Variants in ZNF385D observed in about 807,000 individuals in gnomAD.
ZNF385D encodes the protein zinc finger protein 659.
A neutral mutation model predicts 35.8 loss-of-function variants in ZNF385D; 15 were observed. That is an observed-to-expected ratio of 0.42 (90% CI 0.28 to 0.64). The LOEUF (loss-of-function observed/expected upper bound fraction) is 0.64, where lower values mean the gene tolerates loss of function less well. Ranked by LOEUF, ZNF385D falls within the 30% of genes least tolerant of loss-of-function variation. ZNF385D has a pLI of 0.23. For missense variants in ZNF385D, 474 were observed against 494.6 expected, an observed-to-expected ratio of 0.96 and a Z score of 0.39; for synonymous variants, 212 against 186.8, an observed-to-expected ratio of 1.13 and a Z score of -1.10.
At chr3:22,027,670 G>C (rs1697645086) in intron 3 of ZNF385D, among the ~76,000 whole-genome samples, 1 of 152,148 alleles carries the variant, frequency 6.6e-6, no homozygotes, top group South Asian at 2.1e-4. Context: ...GCCATAAAGT[G>C]GGTCACGCAC....
chr3:22,178,938 G>A (rs112204027), intron 2 of ZNF385D, among the ~76,000 whole-genome samples: 9 of 151,978 alleles, frequency 5.9e-5, no homozygotes, highest in East Asian at 5.8e-4. Context: ...TGTTCCATTG[G>A]TCTATATCTC....
chr3:21,681,828 A>G (rs1051823226), intron 1 of ZNF385D, among the ~76,000 whole-genome samples: 2 of 9,796 alleles, frequency 2.0e-4, no homozygotes, highest in Non-Finnish European at 2.5e-4. Context: ...AGGGAAAGAG[A>G]GGCAAAGATT....
intron 3 of ZNF385D, among the ~76,000 whole-genome samples, chr3:21,879,696 C>A (rs1323098987): frequency 1.3e-5 from 2 of 151,996 alleles, no homozygotes; most frequent in Non-Finnish European, 2.9e-5. Context: ...AAGCAGCTGT[C>A]TCTGAGCCGC....
intron 3 of ZNF385D, among the ~76,000 whole-genome samples, chr3:21,982,231 GTGTCT>G (rs1385500406): frequency 6.6e-6 from 1 of 151,860 alleles, no homozygotes; most frequent in Non-Finnish European, 1.5e-5. Flanking sequence ...CCATTTGTTT[GTGTCT>G]TGTCTTATTT....
chr3:21,916,296 T>A (rs1190979464), intron 3 of ZNF385D, among the ~76,000 whole-genome samples: 9 of 152,178 alleles, frequency 5.9e-5, no homozygotes, highest in Non-Finnish European at 4.4e-5. Context: ...TCATGTATAC[T>A]TTTTTCTGGT....
At chr3:21,764,690 G>A (rs1485876297) in intron 3 of ZNF385D, among the ~76,000 whole-genome samples, 5 of 152,124 alleles carry the variant, frequency 3.3e-5, no homozygotes, top group African/African-American at 7.2e-5. Flanking sequence ...CTAAACAGTT[G>A]AGTGTTTGAC....
chr3:22,151,739 A>T (rs536574280), intron 3 of ZNF385D, among the ~76,000 whole-genome samples: 1 of 152,306 alleles, frequency 6.6e-6, no homozygotes, highest in African/African-American at 2.4e-5. Flanking sequence ...ACCTTTACAG[A>T]AACATCCAGA....
At chr3:22,015,705 T>C (rs1187768803) in intron 3 of ZNF385D, among the ~76,000 whole-genome samples, 1 of 152,130 alleles carries the variant, frequency 6.6e-6, no homozygotes, top group East Asian at 1.9e-4. Flanking sequence ...GTCTTTGGTT[T>C]TTCTCTTGTT....
chr3:22,277,227 G>A (rs908718947), intron 2 of ZNF385D, among the ~76,000 whole-genome samples: 41 of 152,110 alleles, frequency 2.7e-4, no homozygotes, highest in Admixed American at 2.4e-3. Flanking sequence ...GAGAAGCAGA[G>A]CTGTGGGTTC....
chr3:22,000,323 T>C (rs989474268), intron 3 of ZNF385D, among the ~76,000 whole-genome samples: 2 of 151,548 alleles, frequency 1.3e-5, no homozygotes, highest in Non-Finnish European at 2.9e-5. Flanking sequence ...AAAGGCCTTA[T>C]CTGAGGCACA....
intron 3 of ZNF385D, among the ~76,000 whole-genome samples, chr3:22,045,319 A>AGGG (rs1559329823): frequency 1.3e-5 from 2 of 152,122 alleles, no homozygotes; most frequent in Non-Finnish European, 2.9e-5. Context: ...GTGATCATAT[A>AGGG]ATAAATATAA....
chr3:22,081,956 A>G (rs545541745), intron 3 of ZNF385D, among the ~76,000 whole-genome samples: 18 of 150,938 alleles, frequency 1.2e-4, no homozygotes, highest in African/African-American at 3.6e-4. Context: ...TAGTAGTTCT[A>G]AAGGCAGTTA....
At chr3:21,589,534 A>G (rs2063909026) in intron 2 of ZNF385D, among the ~76,000 whole-genome samples, 1 of 152,202 alleles carries the variant, frequency 6.6e-6, no homozygotes, top group Non-Finnish European at 1.5e-5. Context: ...TTTACATAAG[A>G]CAAAAAAAGC....
At chr3:22,234,437 C>T (rs1191981550) in intron 2 of ZNF385D, among the ~76,000 whole-genome samples, 1 of 152,038 alleles carries the variant, frequency 6.6e-6, no homozygotes, top group African/African-American at 2.4e-5. Flanking sequence ...CTAAATCATT[C>T]ATTTCATCCA....
At chr3:21,744,349 A>G (rs2069662059) in intron 1 of ZNF385D, among the ~76,000 whole-genome samples, 2 of 152,232 alleles carry the variant, frequency 1.3e-5, no homozygotes, top group South Asian at 2.1e-4. Context: ...GCAATCTGCT[A>G]CAACCACTTT....
chr3:22,119,738 T>C lies in ZNF385D; in HGVS notation c.325+49079A>G, dbSNP rs369898355. On this transcript the variant is annotated intron_variant, in intron 3 of 5. Coordinates refer to the ZNF385D transcript ENST00000494108. ...TACTATCTCTCCAGTAGATTTTGTGTCACAGGATTCCCTGGGATTTCTCTG... is the reference window on the plus strand; with the variant it reads ...TACTATCTCTCCAGTAGATTTTGTGCCACAGGATTCCCTGGGATTTCTCTG... 7.9e-5 allele frequency among the ~76,000 whole-genome samples: 12 copies of C among 152,292 alleles called. No homozygotes were observed. In the South Asian group the frequency reaches 1.7e-3, roughly 21 times the overall value.
At chr3:21,821,957 C>T (rs1214360085) in intron 3 of ZNF385D, among the ~76,000 whole-genome samples, 5 of 126,716 alleles carry the variant, frequency 3.9e-5, no homozygotes, top group African/African-American at 1.4e-4. Flanking sequence ...CAGAGGAAGA[C>T]CTTGTCTCAA....
chr3:22,290,071 T>C (rs867746280), intron 2 of ZNF385D, among the ~76,000 whole-genome samples: 1 of 152,142 alleles, frequency 6.6e-6, no homozygotes, highest in African/African-American at 2.4e-5. Context: ...AACTGCTACA[T>C]TGTTTTGTGT....
intron 5 of ZNF385D, among the ~76,000 whole-genome samples, chr3:21,432,504 G>GT (rs1330998695): frequency 2.0e-5 from 3 of 151,762 alleles, no homozygotes; most frequent in African/African-American, 4.8e-5. Flanking sequence ...GATCTCAAAG[G>GT]TTTTTTTCTT....
Sources: gnomAD v4.1 joint callset for allele counts (sites outside exome capture counted in the v4.1 genomes callset) on GRCh38, gnomAD v4.1.1 for gene constraint, MANE v1.5 for transcripts, NCBI Gene and HGNC (gene_info 2026-07-23, HGNC 2026-07-21) for gene names.